The following PPARGC1A variants were observed in gnomAD, a reference collection of about 807,000 sequenced individuals.
PPARGC1A encodes PPARG coactivator 1 alpha, also known as peroxisome proliferator-activated receptor gamma coactivator 1-alpha.
A neutral mutation model predicts 88.7 loss-of-function variants in PPARGC1A; 25 were observed. The observed-to-expected ratio is 0.28, with a 90% CI of 0.21 to 0.39. The LOEUF (loss-of-function observed/expected upper bound fraction) is 0.39, where lower values mean the gene tolerates loss of function less well. Among genes scored for constraint, PPARGC1A ranks in the 10% least tolerant of loss-of-function variants. The pLI, the probability that PPARGC1A is intolerant of heterozygous loss-of-function variation, is 1.00. For synonymous variants in PPARGC1A, 363 were observed against 355.6 expected (o/e 1.02, Z -0.24); for missense variants, 880 against 968.7 (o/e 0.91, Z 1.22).
chr4:24,081,342 C>T, the PPARGC1A span, among the ~76,000 whole-genome samples: 1 of 152,108 alleles, frequency 6.6e-6, no homozygotes, highest in East Asian at 1.9e-4. Context: ...CTCATCTTGG[C>T]AAGAAGCTGA....
chr4:24,340,079 GA>G, the PPARGC1A span, among the ~76,000 whole-genome samples: 110 of 151,678 alleles, frequency 7.3e-4, no homozygotes, highest in African/African-American at 2.6e-3. Context: ...TTAAAGCCAG[GA>G]AAAAAAATAA....
the PPARGC1A span, among the ~76,000 whole-genome samples, chr4:24,362,424 G>A: frequency 6.6e-6 from 1 of 151,682 alleles, no homozygotes; most frequent in Non-Finnish European, 1.5e-5. Context: ...TCTACACTTA[G>A]GATTAAAGAA....
chr4:24,006,808 C>A, the PPARGC1A span, among the ~76,000 whole-genome samples: 144,098 of 152,204 alleles, frequency 0.95, 68,295 homozygotes, highest in African/African-American at 0.98. Context: ...AACCAAAAAC[C>A]AACAAACAGC....
At chr4:23,997,224 T>A in the PPARGC1A span, among the ~76,000 whole-genome samples, 1 of 152,330 alleles carries the variant, frequency 6.6e-6, no homozygotes, top group East Asian at 1.9e-4. Flanking sequence ...TGTCTTTTTT[T>A]ATTCTAAATA....
chr4:24,101,812 C>T, the PPARGC1A span, among the ~76,000 whole-genome samples: 1 of 152,164 alleles, frequency 6.6e-6, no homozygotes, highest in South Asian at 2.1e-4. Flanking sequence ...AGAATACGTT[C>T]ATGGATTCGA....
At chr4:24,088,086 C>T in the PPARGC1A span, among the ~76,000 whole-genome samples, 1 of 152,278 alleles carries the variant, frequency 6.6e-6, no homozygotes, top group East Asian at 1.9e-4. Context: ...TGGTGGTTCA[C>T]ACCTGTAATC....
the PPARGC1A span, among the ~76,000 whole-genome samples, chr4:24,098,314 C>T: frequency 6.6e-6 from 1 of 152,102 alleles, no homozygotes; most frequent in Admixed American, 6.5e-5. Context: ...GGCCTTGGCT[C>T]CACAGCAAAA....
chr4:24,144,594 G>A, the PPARGC1A span, among the ~76,000 whole-genome samples: 454 of 152,026 alleles, frequency 3.0e-3, 1 homozygote, highest in African/African-American at 0.01. Context: ...GCTCCAGAAA[G>A]CTGCATGGAA....
At chr4:24,067,711 C>T in the PPARGC1A span, among the ~76,000 whole-genome samples, 1 of 152,114 alleles carries the variant, frequency 6.6e-6, no homozygotes, top group Admixed American at 6.5e-5. Flanking sequence ...TCAAGGGGTC[C>T]AGGATGGTTT....
upstream of PPARGC1A, among the ~76,000 whole-genome samples, chr4:23,908,807 A>G (rs1319059843): frequency 1.3e-5 from 2 of 152,224 alleles, no homozygotes; most frequent in Non-Finnish European, 2.9e-5. Context: ...GGATAAACAG[A>G]CACACATCAC....
At chr4:24,357,615 C>A in the PPARGC1A span, among the ~76,000 whole-genome samples, 3 of 152,192 alleles carry the variant, frequency 2.0e-5, no homozygotes, top group East Asian at 5.8e-4. Context: ...TATGGTTTTG[C>A]TGTGTCCCCA....
chr4:23,831,253 T>G (rs1284770410), intron 3 of PPARGC1A, among the ~76,000 whole-genome samples: 1 of 152,196 alleles, frequency 6.6e-6, no homozygotes, highest in African/African-American at 2.4e-5. Flanking sequence ...TTTAGTCTTT[T>G]CCTTTTAGTT....
chr4:23,874,251 T>C (rs1288288553), intron 2 of PPARGC1A, among the ~76,000 whole-genome samples: 1 of 152,158 alleles, frequency 6.6e-6, no homozygotes, highest in African/African-American at 2.4e-5. Flanking sequence ...TCAAAGTAAC[T>C]CCAGAAGTGG....
In PPARGC1A at chr4:23,829,449, A is replaced by T. The variant is rs1046464106; in HGVS notation, c.552+14T>A. 1 of 1,611,806 alleles carries T rather than the reference A, an allele frequency of 6.2e-7. No individual in the cohort carries two copies. The highest frequency in any genetic ancestry group is 8.5e-7 in the Non-Finnish European group (1 of 1,178,452). ...TGGTACATCCCCCCTGTATTAAAAA[A>T]TTTACATTTGTACCTTAACAATTGC... On this transcript the variant is annotated intron_variant, in intron 4 of 12. Transcript: ENST00000264867.
chr4:24,072,124 A>G, the PPARGC1A span, among the ~76,000 whole-genome samples: 1 of 147,514 alleles, frequency 6.8e-6, no homozygotes, highest in Non-Finnish European at 1.5e-5. Flanking sequence ...AAATATATAT[A>G]TATATTTATA....
the PPARGC1A span, among the ~76,000 whole-genome samples, chr4:23,953,457 T>C: frequency 6.6e-6 from 1 of 152,144 alleles, no homozygotes; most frequent in African/African-American, 2.4e-5. Context: ...TGGATTGGAT[T>C]GGTTTAACCA....
At chr4:23,993,325 C>G in the PPARGC1A span, among the ~76,000 whole-genome samples, 2 of 151,980 alleles carry the variant, frequency 1.3e-5, no homozygotes, top group Admixed American at 6.6e-5. Context: ...GTAGATTTAA[C>G]CCCTGTAATG....
chr4:24,328,893 T>C, the PPARGC1A span, among the ~76,000 whole-genome samples: 5 of 152,334 alleles, frequency 3.3e-5, no homozygotes, highest in African/African-American at 1.2e-4. Flanking sequence ...TGGAAAATTA[T>C]AGTCTCGGAA....
chr4:24,323,155 C>G, the PPARGC1A span, among the ~76,000 whole-genome samples: 2 of 152,296 alleles, frequency 1.3e-5, no homozygotes, highest in African/African-American at 2.4e-5. Flanking sequence ...AGTCAGTTCT[C>G]TCTGCTGCCT....
Sources: allele counts gnomAD v4.1 joint callset (sites outside exome capture counted in the v4.1 genomes callset), GRCh38; gene constraint gnomAD v4.1.1; transcripts MANE v1.5; gene names NCBI Gene and HGNC (gene_info 2026-07-23, HGNC 2026-07-21).